MKLN1: variants seen among roughly 807,000 people sequenced by gnomAD.
MKLN1 encodes muskelin 1, also known as muskelin.
MKLN1 carries 18 observed loss-of-function variants against 99.0 expected under a neutral mutation model. The observed-to-expected ratio is 0.18, with a 90% CI of 0.13 to 0.27. MKLN1 has a LOEUF of 0.27. Among genes scored for constraint, MKLN1 ranks in the 10% least tolerant of loss-of-function variants. The probability of loss-of-function intolerance (pLI) is 1.00; values close to 1 mark genes in which losing one functional copy is unlikely to be tolerated. For missense variants in MKLN1, 621 were observed against 875.9 expected, an observed-to-expected ratio of 0.71 and a Z score of 3.67; for synonymous variants, 288 against 293.2, an observed-to-expected ratio of 0.98 and a Z score of 0.18.
At chr7:131,115,754 A>G (rs965574322) in intron 1 of MKLN1, among the ~76,000 whole-genome samples, 3 of 151,962 alleles carry the variant, frequency 2.0e-5, no homozygotes, top group African/African-American at 4.8e-5. Context: ...GTATTATAGG[A>G]TTTACCCTAT....
intron 1 of MKLN1, among the ~76,000 whole-genome samples, chr7:131,335,985 ATT>A (rs200851647): frequency 2.1e-5 from 3 of 142,272 alleles, no homozygotes; most frequent in Admixed American, 6.9e-5. Context: ...TCCTTACTGA[ATT>A]TTTTTTTTTT....
chr7:131,249,654 G>A (rs760596471), intron 3 of MKLN1, among the ~76,000 whole-genome samples: 4 of 152,072 alleles, frequency 2.6e-5, no homozygotes, highest in Admixed American at 6.6e-5. Flanking sequence ...AGTCAGGAGC[G>A]CTCTCCCAAG....
At chr7:131,347,760 GTTTTC>G (rs777318496) in intron 1 of MKLN1, among the ~76,000 whole-genome samples, 1 of 152,076 alleles carries the variant, frequency 6.6e-6, no homozygotes. Flanking sequence ...AGTATCTGAA[GTTTTC>G]TTTTGGTTAA....
At chr7:131,272,366 C>T (rs1250452601) in intron 3 of MKLN1, among the ~76,000 whole-genome samples, 1 of 152,158 alleles carries the variant, frequency 6.6e-6, no homozygotes, top group Non-Finnish European at 1.5e-5. Context: ...AGTACATGCT[C>T]AATAAATATT....
intron 1 of MKLN1, among the ~76,000 whole-genome samples, chr7:131,366,860 TA>T (rs1263875344): frequency 2.8e-4 from 43 of 152,276 alleles, no homozygotes; most frequent in African/African-American, 9.4e-4. Context: ...TAAGCAAGCT[TA>T]GGGTTTAAGC....
At chr7:131,458,328 G>GAAAC (rs1354279915) in intron 12 of MKLN1, among the ~76,000 whole-genome samples, 1 of 152,204 alleles carries the variant, frequency 6.6e-6, no homozygotes, top group Admixed American at 6.5e-5. Flanking sequence ...ACCCACAGTA[G>GAAAC]AAACCCATTT....
At chr7:131,370,126 C>T (rs757864818) in intron 1 of MKLN1, among the ~76,000 whole-genome samples, 16 of 152,356 alleles carry the variant, frequency 1.1e-4, no homozygotes, top group Non-Finnish European at 2.2e-4. Flanking sequence ...GCGTGAGCCA[C>T]GGTGCCCAGC....
At chr7:131,158,087 G>A (rs1004760167) in intron 2 of MKLN1, among the ~76,000 whole-genome samples, 6 of 152,138 alleles carry the variant, frequency 3.9e-5, no homozygotes, top group Admixed American at 2.0e-4. Context: ...TTTTGCCATG[G>A]AAAAATTTCT....
At chr7:131,125,977 G>A (rs1195768502) in intron 1 of MKLN1, among the ~76,000 whole-genome samples, 1 of 149,040 alleles carries the variant, frequency 6.7e-6, no homozygotes, top group Non-Finnish European at 1.5e-5. Context: ...CTGCACTCCA[G>A]CCTGGGCGAC....
rs762840453 is a variant in MKLN1 at position 131,399,227 on chromosome 7, C to G, written c.511-14C>G. The G allele has an allele frequency of 6.2e-7, 1 of 1,609,342 alleles. No homozygotes were observed. The highest frequency in any genetic ancestry group is 1.1e-5 in the South Asian group (1 of 90,876). ...CAAATCTCTTCTTTCCATACTTACT[C>G]TGTGTTCTAGTAGTACCGTGAACAG... On this transcript the variant is annotated splice_polypyrimidine_tract_variant and intron_variant, in intron 5 of 17. Coordinates refer to ENST00000352689, the MANE Select transcript of MKLN1 (RefSeq NM_013255.5).
At chr7:131,427,700 C>T (rs10281749) in intron 8 of MKLN1, among the ~76,000 whole-genome samples, 2,462 of 152,116 alleles carry the variant, frequency 0.016, 46 homozygotes, top group African/African-American at 0.054. Context: ...ATTACAGGTG[C>T]CCGTCACCAC....
chr7:131,162,464 G>A (rs534667800), intron 2 of MKLN1, among the ~76,000 whole-genome samples: 2 of 152,284 alleles, frequency 1.3e-5, no homozygotes, highest in Non-Finnish European at 2.9e-5. Flanking sequence ...AACAAGCACA[G>A]ATTGTCCCAT....
intron 3 of MKLN1, among the ~76,000 whole-genome samples, chr7:131,248,074 A>T (rs944040927): frequency 1.7e-5 from 1 of 57,254 alleles, no homozygotes; most frequent in Admixed American, 1.3e-4. Flanking sequence ...AATTACATTT[A>T]TTATTTATTT....
intron 9 of MKLN1, among the ~76,000 whole-genome samples, chr7:131,430,606 C>G (rs1278183150): frequency 6.6e-6 from 1 of 152,182 alleles, no homozygotes; most frequent in Non-Finnish European, 1.5e-5. Flanking sequence ...TAAGATCCAA[C>G]AGTTCTCCAA....
chr7:131,148,489 T>C (rs1374726011), intron 2 of MKLN1, among the ~76,000 whole-genome samples: 1 of 152,104 alleles, frequency 6.6e-6, no homozygotes, highest in African/African-American at 2.4e-5. Context: ...GAAAAACCAT[T>C]CAGGGATGGA....
chr7:131,170,899 T>G (rs141771510), intron 2 of MKLN1, among the ~76,000 whole-genome samples: 1 of 152,322 alleles, frequency 6.6e-6, no homozygotes, highest in East Asian at 1.9e-4. Context: ...GGAGCAGAGC[T>G]TTCCCATCTT....
At chr7:131,459,996 A>G (rs1303477658) in intron 12 of MKLN1, among the ~76,000 whole-genome samples, 1 of 152,106 alleles carries the variant, frequency 6.6e-6, no homozygotes, top group African/African-American at 2.4e-5. Flanking sequence ...TTTTATCTAG[A>G]GACCACTGAC....
At chr7:131,294,772 A>G (rs544588527) in intron 3 of MKLN1, among the ~76,000 whole-genome samples, 1 of 152,310 alleles carries the variant, frequency 6.6e-6, no homozygotes, top group East Asian at 1.9e-4. Flanking sequence ...CGTTTCCCAG[A>G]TATCTCTGGT....
intron 1 of MKLN1, among the ~76,000 whole-genome samples, chr7:131,373,528 A>T (rs1689243429): frequency 6.6e-6 from 1 of 152,128 alleles, no homozygotes; most frequent in South Asian, 2.1e-4. Flanking sequence ...AAATTCATTA[A>T]TCTATTTTTG....
Sources: allele counts gnomAD v4.1 joint callset (sites outside exome capture counted in the v4.1 genomes callset), GRCh38; gene constraint gnomAD v4.1.1; transcripts MANE v1.5; gene names NCBI Gene and HGNC (gene_info 2026-07-23, HGNC 2026-07-21).